Variants in MYO5B observed in about 807,000 individuals in gnomAD.
MYO5B encodes myosin VB.
In MYO5B, 143 loss-of-function variants were observed where a neutral mutation model predicts 229.3. The observed-to-expected ratio is 0.62, with a 90% CI of 0.54 to 0.72. The LOEUF is 0.72. MYO5B is among the 30% of genes least tolerant of loss of function. The pLI is 0.00. For synonymous variants in MYO5B, 918 were observed against 885.2 expected, an observed-to-expected ratio of 1.04 and a Z score of -0.66; for missense variants, 2,321 against 2,331.0, an observed-to-expected ratio of 1.00 and a Z score of 0.09.
chr18:50,085,660 C>A (rs1310252158), intron 1 of MYO5B, among the ~76,000 whole-genome samples: 1 of 152,158 alleles, frequency 6.6e-6, no homozygotes, highest in Non-Finnish European at 1.5e-5. Flanking sequence ...GACTTGGAAC[C>A]AACCCAGATG....
intron 7 of MYO5B, among the ~76,000 whole-genome samples, chr18:49,985,628 T>C (rs1233677844): frequency 1.3e-5 from 2 of 152,318 alleles, no homozygotes; most frequent in South Asian, 2.1e-4. Flanking sequence ...TCACAAAATA[T>C]AGTATCTTGT....
chr18:50,146,189 ATATT>A (rs761126376), intron 1 of MYO5B, among the ~76,000 whole-genome samples: 8 of 152,212 alleles, frequency 5.3e-5, no homozygotes, highest in Non-Finnish European at 1.2e-4. Context: ...GGGTCAAGAA[ATATT>A]TATGCCAGAC....
At chr18:49,916,499 C>A (rs2025015751) in intron 17 of MYO5B, among the ~76,000 whole-genome samples, 1 of 152,228 alleles carries the variant, frequency 6.6e-6, no homozygotes, top group South Asian at 2.1e-4. Flanking sequence ...GTATGGAGAG[C>A]TCCAAAGCTT....
intron 2 of MYO5B, among the ~76,000 whole-genome samples, chr18:50,055,057 A>G (rs1392999191): frequency 2.6e-5 from 4 of 152,028 alleles, no homozygotes; most frequent in Non-Finnish European, 4.4e-5. Context: ...ACCCCAATAA[A>G]CACTTATTTT....
chr18:50,111,437 C>A (rs2031862633), intron 1 of MYO5B, among the ~76,000 whole-genome samples: 1 of 152,168 alleles, frequency 6.6e-6, no homozygotes, highest in South Asian at 2.1e-4. Context: ...AACTAGTAGG[C>A]AGAAAAACAG....
chr18:50,093,523 A>T (rs1190485900), intron 1 of MYO5B, among the ~76,000 whole-genome samples: 3 of 152,188 alleles, frequency 2.0e-5, no homozygotes, highest in African/African-American at 7.2e-5. Context: ...GAGCAACTCC[A>T]TCTGGAAGAG....
intron 12 of MYO5B, among the ~76,000 whole-genome samples, chr18:49,960,284 T>G (rs2025543944): frequency 6.6e-6 from 1 of 152,316 alleles, no homozygotes; most frequent in African/African-American, 2.4e-5. Context: ...CAATGTATTA[T>G]TCACTCTCAC....
At chr18:50,041,591 C>T (rs986668313) in intron 2 of MYO5B, among the ~76,000 whole-genome samples, 1 of 151,658 alleles carries the variant, frequency 6.6e-6, no homozygotes, top group Non-Finnish European at 1.5e-5. Flanking sequence ...AATTAGCTAG[C>T]CATTTAGGGA....
At position 50,172,791 on chromosome 18, in the gene MYO5B, A is replaced by T. The variant is rs145282615; in HGVS notation, c.27+21976T>A. On this transcript the variant is annotated intron_variant, in intron 1 of 39. Transcript: ENST00000285039. ...GAGAGCCAGCTATGAGAGGAGAAAA[A>T]CAAAATAGGGCAATGATCTGAGTAG... is the stretch of plus-strand genomic sequence containing the variant. Among the ~76,000 whole-genome samples, 8 of 152,334 alleles carry T rather than the reference A, an allele frequency of 5.3e-5. No individual in the cohort carries two copies. The East Asian group carries it at 1.5e-3, about 29-fold the overall frequency.
rs115557009 is a variant in MYO5B at position 49,921,097 on chromosome 18, G to A, written c.2090+8415C>T. Among the ~76,000 whole-genome samples, 314 of 152,234 alleles carry A rather than the reference G, an allele frequency of 2.1e-3. 1 individual carries two copies. Among genetic ancestry groups the A allele is most frequent in the African/African-American group, 7.2e-3 (301 of 41,524 alleles). On this transcript the variant is annotated intron_variant, in intron 17 of 39. Transcript: ENST00000285039. ...ATTAAATAGGGAGAGGAAGCAGGCC[G>A]CTTCTAAAGCTTCCCTTTAGTTCTC...
chr18:49,929,713 G>C, intron 16 of MYO5B, 115 bp from the exon 17 acceptor site: 1 of 907,076 alleles, frequency 1.1e-6, no homozygotes, highest in Non-Finnish European at 1.7e-6. Flanking sequence ...TGCTGCCACT[G>C]AGTTACAGCC....
chr18:49,911,675 T>G (rs1378861065), intron 18 of MYO5B, among the ~76,000 whole-genome samples: 5 of 152,196 alleles, frequency 3.3e-5, no homozygotes, highest in African/African-American at 1.2e-4. Context: ...TTTACAGGAC[T>G]CAGCAGGGAG....
chr18:49,848,578 A>AAAGGCAAAGGCC (rs1012892597), intron 32 of MYO5B, among the ~76,000 whole-genome samples: 3 of 152,050 alleles, frequency 2.0e-5, no homozygotes, highest in Non-Finnish European at 4.4e-5. Context: ...AGGCAAAGGC[A>AAAGGCAAAGGCC]AAGGCCAGAC....
intron 14 of MYO5B, among the ~76,000 whole-genome samples, chr18:49,950,198 A>G (rs570251364): frequency 5.9e-5 from 9 of 152,338 alleles, no homozygotes; most frequent in Non-Finnish European, 8.8e-5. Context: ...GCCAGCCAAC[A>G]TCACCACATC....
chr18:50,153,043 G>A (rs2032624692), intron 1 of MYO5B, among the ~76,000 whole-genome samples: 1 of 152,152 alleles, frequency 6.6e-6, no homozygotes, highest in Non-Finnish European at 1.5e-5. Flanking sequence ...GCAGATTTCA[G>A]GTGGCTGTCT....
At chr18:49,868,223 T>G (rs2024419241) in intron 27 of MYO5B, among the ~76,000 whole-genome samples, 1 of 152,194 alleles carries the variant, frequency 6.6e-6, no homozygotes, top group Non-Finnish European at 1.5e-5. Flanking sequence ...ATTCTCTAGA[T>G]TTTCTTGTAT....
Position 49,887,264 on chromosome 18 carries a change from A to G in MYO5B, c.3046-6809T>C, listed in dbSNP as rs932313478. 8.0e-3 allele frequency among the ~76,000 whole-genome samples: 1,214 copies of G among 151,898 alleles called. 11 individuals carry two copies. The highest frequency in any genetic ancestry group is 0.012 in the Non-Finnish European group (814 of 67,874). On this transcript the variant is annotated intron_variant, in intron 22 of 39. Coordinates refer to ENST00000285039, the MANE Select transcript of MYO5B (RefSeq NM_001080467.3). The stretch of plus-strand genomic sequence containing the variant: ...GACCCACTTGGTGATGATGTCATGC[A>G]CTCTGTGCTGGTCAGATGGCACGTT...
In MYO5B at chr18:50,101,933, G is replaced by A. The variant is rs137876788; in HGVS notation, c.28-46555C>T. ...CATTTTACTATAAAGACACACACAC[G>A]TATGTTTATTGTAGCACTATTTACA... is the stretch of plus-strand genomic sequence containing the variant. On this transcript the variant is annotated intron_variant, in intron 1 of 39. Transcript: ENST00000285039. 2.1e-4 allele frequency among the ~76,000 whole-genome samples: 32 copies of A among 152,216 alleles called. No homozygotes were observed. The South Asian group carries it at 5.6e-3, about 27-fold the overall frequency.
At chr18:50,171,101 G>T (rs1187735332) in intron 1 of MYO5B, among the ~76,000 whole-genome samples, 1 of 127,740 alleles carries the variant, frequency 7.8e-6, no homozygotes, top group Non-Finnish European at 1.7e-5. Context: ...TTGGCCGCCA[G>T]TCTCATGCAG....
Sources: allele counts gnomAD v4.1 joint callset (sites outside exome capture counted in the v4.1 genomes callset), GRCh38; gene constraint gnomAD v4.1.1; transcripts MANE v1.5; gene names NCBI Gene and HGNC (gene_info 2026-07-23, HGNC 2026-07-21).